Variants in ANTXR1 observed in about 807,000 individuals in gnomAD.
ANTXR1 encodes the protein anthrax toxin receptor 1.
In ANTXR1, 19 loss-of-function variants were observed where a neutral mutation model predicts 78.1. The ratio of observed to expected loss-of-function variants is 0.24; its 90% CI spans 0.17 to 0.36. ANTXR1 has a LOEUF of 0.36. ANTXR1 is among the 10% of genes least tolerant of loss of function. ANTXR1 has a pLI of 1.00. For missense variants in ANTXR1, 518 were observed against 718.6 expected (o/e 0.72, Z 3.19); for synonymous variants, 273 against 260.5 (o/e 1.05, Z -0.46).
At chr2:69,241,103 G>A (rs1200434266) in intron 17 of ANTXR1, among the ~76,000 whole-genome samples, 1 of 152,164 alleles carries the variant, frequency 6.6e-6, no homozygotes, top group African/African-American at 2.4e-5. Flanking sequence ...GGTAAACTGA[G>A]GTCAAAGCCA....
At chr2:69,223,323 C>G (rs1192853703) in intron 17 of ANTXR1, among the ~76,000 whole-genome samples, 1 of 152,226 alleles carries the variant, frequency 6.6e-6, no homozygotes, top group South Asian at 2.1e-4. Context: ...TCTAAATTCT[C>G]TAATTCCTGT....
chr2:69,098,815 G>A lies in ANTXR1; in HGVS notation c.704-4027G>A, dbSNP rs144708613. Among the ~76,000 whole-genome samples, 216 of 152,208 alleles carry A rather than the reference G, an allele frequency of 1.4e-3. 2 individuals are homozygous for A. In the East Asian group the frequency reaches 0.024, roughly 17 times the overall value. On this transcript the variant is annotated intron_variant, in intron 9 of 17. Coordinates refer to ENST00000303714, the MANE Select transcript of ANTXR1 (RefSeq NM_032208.3). The stretch of plus-strand genomic sequence containing the variant: ...AGCCTGGCCAACAGGGTGAAACCCC[G>A]TGTCTACTAAAAATACAAAAATTAG...
At chr2:69,235,687 GGATT>G (rs75916487) in intron 17 of ANTXR1, among the ~76,000 whole-genome samples, 3,555 of 146,396 alleles carry the variant, frequency 0.024, 167 homozygotes, top group East Asian at 0.22. Flanking sequence ...TAGACTCTAT[GGATT>G]GATATAATTG....
intron 17 of ANTXR1, among the ~76,000 whole-genome samples, chr2:69,198,293 TTTGA>T (rs1285863358): frequency 1.3e-5 from 2 of 152,188 alleles, no homozygotes; most frequent in East Asian, 1.9e-4. Context: ...AACGTACCTA[TTTGA>T]TTGATAGGTG....
At chr2:69,177,873 C>T (rs917243069) in intron 14 of ANTXR1, among the ~76,000 whole-genome samples, 1 of 152,200 alleles carries the variant, frequency 6.6e-6, no homozygotes, top group African/African-American at 2.4e-5. Flanking sequence ...AGCTCTGCCC[C>T]ACTCTGTTCT....
chr2:69,177,434 A>G (rs913399013), intron 14 of ANTXR1, among the ~76,000 whole-genome samples: 2 of 150,224 alleles, frequency 1.3e-5, no homozygotes, highest in African/African-American at 5.0e-5. Flanking sequence ...CTCGAACAGC[A>G]CTGTGCCTGC....
chr2:69,070,789 G>T (rs1670540160), intron 4 of ANTXR1, 61 bp downstream of exon 4: 1 of 1,496,278 alleles, frequency 6.7e-7, no homozygotes, highest in Non-Finnish European at 9.3e-7. Context: ...TCAACATGGG[G>T]TGACTGATGA....
intron 16 of ANTXR1, among the ~76,000 whole-genome samples, chr2:69,183,580 T>TG (rs1558629039): frequency 1.5e-4 from 15 of 97,678 alleles, no homozygotes; most frequent in African/African-American, 8.1e-4. Context: ...TTTTGTTTTT[T>TG]TTTTTTTTTT....
Position 69,119,481 on chromosome 2 carries a change from C to T in ANTXR1, c.803-3536C>T, listed in dbSNP as rs1413877814. On this transcript the variant is annotated intron_variant, in intron 10 of 17. Transcript: ENST00000303714. ...AAATATAGGTTCGAGTCAGCCACGC[C>T]TGTCCCCAGTTCAGTTTATTCTCTA... 2.0e-5 allele frequency among the ~76,000 whole-genome samples: 3 copies of T among 152,254 alleles called. No homozygotes were observed. In the East Asian group the frequency reaches 5.8e-4, roughly 29 times the overall value.
At chr2:69,178,545 G>A (rs1438954376) in intron 14 of ANTXR1, among the ~76,000 whole-genome samples, 1 of 151,952 alleles carries the variant, frequency 6.6e-6, no homozygotes, top group African/African-American at 2.4e-5. Context: ...CTAGAGGGAG[G>A]GGCCAGCGGC....
At position 69,124,635 on chromosome 2, in the gene ANTXR1, A is replaced by G. The variant is rs79570326; in HGVS notation, c.943A>G (p.Thr315Ala). ...CTCCAGTTCTGTCATCATCACCACC[A>G]CACACTGTGTAAGTCATAACCTTTC... The part of the protein sequence containing the change: ...FISSSVIITT[T>A]HCSDGSILAI... Residue 315 changes from threonine (T) to alanine (A), a missense_variant, in exon 12 of 18, where the codon ACA (threonine) becomes GCA (alanine). Coordinates refer to ENST00000303714, the MANE Select transcript of ANTXR1 (RefSeq NM_032208.3). The G allele has an allele frequency of 1.2e-4, 199 of 1,614,078 alleles. 2 individuals carry two copies. In the East Asian group the frequency reaches 4.1e-3, roughly 33 times the overall value.
intron 3 of ANTXR1, among the ~76,000 whole-genome samples, chr2:69,068,424 A>C (rs1220243806): frequency 6.6e-6 from 1 of 152,244 alleles, no homozygotes; most frequent in Admixed American, 6.5e-5. Flanking sequence ...AGCAAGTGGC[A>C]TTTAACTTGG....
At chr2:69,124,209 G>C (rs1224169137) in intron 11 of ANTXR1, among the ~76,000 whole-genome samples, 1 of 152,164 alleles carries the variant, frequency 6.6e-6, no homozygotes, top group Non-Finnish European at 1.5e-5. Flanking sequence ...CCATTGACTT[G>C]GACTATTTTT....
At position 69,245,274 on chromosome 2, in the gene ANTXR1, A is replaced by G; in HGVS notation, c.1484A>G (p.Tyr495Cys). ...TRVKNNQPAKYPLNNAYHTSS... is the reference protein window; with the variant it reads ...TRVKNNQPAKCPLNNAYHTSS... ...GTCAAGAACAACCAGCCAGCCAAGT[A>G]CCCACTCAACAACGCCTACCACACC... Residue 495 changes from tyrosine (Y) to cysteine (C), a missense_variant, in exon 18 of 18, where the codon TAC becomes TGC. Tyr to Cys is a radical substitution (Grantham distance 194). Coordinates refer to ENST00000303714, the MANE Select transcript of ANTXR1 (RefSeq NM_032208.3). 1.2e-6 allele frequency: 2 copies of G among 1,613,566 alleles called. No individual in the cohort carries two copies. Among genetic ancestry groups the G allele is most frequent in the Non-Finnish European group, 1.7e-6 (2 of 1,179,906 alleles).
intron 10 of ANTXR1, among the ~76,000 whole-genome samples, chr2:69,118,246 C>CAAAAA (rs61565815): frequency 3.2e-5 from 3 of 94,962 alleles, no homozygotes; most frequent in Admixed American, 2.4e-4. Context: ...CTTGTCTCTA[C>CAAAAA]AAAAAAAAAA....
chr2:69,019,084 TAGAAAA>T (rs1195412625), intron 1 of ANTXR1, among the ~76,000 whole-genome samples: 3 of 152,138 alleles, frequency 2.0e-5, no homozygotes, highest in African/African-American at 7.2e-5. Flanking sequence ...CTGAATCTGA[TAGAAAA>T]AGGAAACTGA....
In ANTXR1 at chr2:69,049,601, C is replaced by T. The variant is rs188289672; in HGVS notation, c.296+4788C>T. Among the ~76,000 whole-genome samples the T allele has an allele frequency of 7.3e-3, 1,119 of 152,276 alleles. 25 individuals carry two copies. The highest frequency in any genetic ancestry group is 0.046 in the Admixed American group (708 of 15,286). On this transcript the variant is annotated intron_variant, in intron 3 of 17. Coordinates refer to ENST00000303714, the MANE Select transcript of ANTXR1 (RefSeq NM_032208.3). ...CTGGGATTACAGGTGTGAGCCACCA[C>T]ATCTGCCTTCTTATCCCACCACTTT... is the stretch of plus-strand genomic sequence containing the variant.
At chr2:69,210,730 G>A (rs544376642) in intron 17 of ANTXR1, among the ~76,000 whole-genome samples, 8 of 152,228 alleles carry the variant, frequency 5.3e-5, no homozygotes, top group African/African-American at 1.7e-4. Context: ...GAGGTCAGGA[G>A]TTTGAGACCA....
chr2:69,194,198 G>A (rs774643401), intron 17 of ANTXR1, among the ~76,000 whole-genome samples: 3 of 152,168 alleles, frequency 2.0e-5, no homozygotes, highest in Admixed American at 1.3e-4. Context: ...CAGTTCTGCC[G>A]AAACAACACT....
Sources: allele counts gnomAD v4.1 joint callset (sites outside exome capture counted in the v4.1 genomes callset), GRCh38; gene constraint gnomAD v4.1.1; transcripts MANE v1.5; gene names NCBI Gene and HGNC (gene_info 2026-07-23, HGNC 2026-07-21).